GARRE1: variants seen among roughly 807,000 people sequenced by gnomAD.
The protein encoded by GARRE1 is granule associated Rac and RHOG effector protein 1.
A neutral mutation model predicts 103.2 loss-of-function variants in GARRE1; 49 were observed. The ratio of observed to expected loss-of-function variants is 0.47; its 90% CI spans 0.38 to 0.60. The LOEUF (loss-of-function observed/expected upper bound fraction) is 0.60. Among genes scored for constraint, GARRE1 ranks in the 20% least tolerant of loss-of-function variants. The probability of loss-of-function intolerance (pLI) is 0.00; values close to 1 mark genes in which losing one functional copy is unlikely to be tolerated. For missense variants in GARRE1, 1,199 were observed against 1,370.5 expected, an observed-to-expected ratio of 0.87 and a Z score of 1.98; for synonymous variants, 505 against 532.8, an observed-to-expected ratio of 0.95 and a Z score of 0.72.
chr19:34,304,673 C>T (rs1413102567), intron 2 of GARRE1, among the ~76,000 whole-genome samples: 1 of 152,120 alleles, frequency 6.6e-6, no homozygotes, highest in Non-Finnish European at 1.5e-5. Flanking sequence ...CCACCACGCC[C>T]AGCCATCTTT....
At chr19:34,258,717 G>C (rs146714054) in intron 1 of GARRE1, among the ~76,000 whole-genome samples, 2,207 of 152,156 alleles carry the variant, frequency 0.015, 24 homozygotes, top group South Asian at 0.023. Flanking sequence ...GTGAACCTGG[G>C]AGGCGGAGCT....
Position 34,352,815 on chromosome 19 carries a change from G to C in GARRE1, c.3073G>C (p.Asp1025His). ...LQSPVWAATN[D>H]CSAAAFSYVQ... is the part of the protein sequence containing the mutation. ...GTCCCCAGTGTGGGCCGCAACCAAC[G>C]ACTGCAGTGCCGCTGCCTTCTCCTA... is the stretch of plus-strand genomic sequence containing the variant. The change falls in exon 14 of 14, where the codon GAC (aspartate) becomes CAC (histidine). Residue 1025 changes from aspartate (D) to histidine (H), a missense_variant. Transcript: ENST00000299505. 2 of 1,613,576 alleles carry C rather than the reference G, an allele frequency of 1.2e-6. No individual in the cohort carries two copies. Among genetic ancestry groups the C allele is most frequent in the African/African-American group, 1.3e-5 (1 of 74,984 alleles).
At chr19:34,282,472 T>C (rs957177510) in intron 1 of GARRE1, among the ~76,000 whole-genome samples, 3 of 152,206 alleles carry the variant, frequency 2.0e-5, no homozygotes, top group East Asian at 3.8e-4. Context: ...ATGCACTATC[T>C]TTCCAACACT....
rs567809291 is a variant in GARRE1 at position 34,317,985 on chromosome 19, G to A, written c.496-1922G>A. Among the ~76,000 whole-genome samples the A allele has an allele frequency of 1.2e-4, 18 of 152,358 alleles. No individual in the cohort carries two copies. In the East Asian group the frequency reaches 3.5e-3, roughly 29 times the overall value. On this transcript the variant is annotated intron_variant, in intron 2 of 13. Transcript: ENST00000299505. ...AGAGCACTGGGGGAAGGGCTCTGAA[G>A]GAGGTGTGAGTGGAAGCCCAGGAGT...
At chr19:34,255,503 C>T (rs1435895491) in intron 1 of GARRE1, among the ~76,000 whole-genome samples, 1 of 152,094 alleles carries the variant, frequency 6.6e-6, no homozygotes, top group Non-Finnish European at 1.5e-5. Flanking sequence ...GCCAGTCTAC[C>T]ATTCAGTGAC....
intron 8 of GARRE1, among the ~76,000 whole-genome samples, chr19:34,335,770 C>A (rs1273197121): frequency 6.6e-6 from 1 of 152,186 alleles, no homozygotes; most frequent in Non-Finnish European, 1.5e-5. Context: ...AGGTGATCCA[C>A]CTGCTTCGGC....
At chr19:34,321,603 G>A (rs368355530) in intron 3 of GARRE1, among the ~76,000 whole-genome samples, 6 of 151,916 alleles carry the variant, frequency 3.9e-5, no homozygotes, top group East Asian at 1.9e-4. Context: ...ACAGGCGCCC[G>A]CCACCATGCC....
At chr19:34,266,980 T>A (rs1254207691) in intron 1 of GARRE1, among the ~76,000 whole-genome samples, 1 of 152,112 alleles carries the variant, frequency 6.6e-6, no homozygotes, top group Non-Finnish European at 1.5e-5. Context: ...TAAGTTTTCT[T>A]GGGCCAGACA....
At chr19:34,259,763 CATCTT>C (rs1362091908) in intron 1 of GARRE1, among the ~76,000 whole-genome samples, 1 of 152,096 alleles carries the variant, frequency 6.6e-6, no homozygotes, top group African/African-American at 2.4e-5. Context: ...ACCCAAATCT[CATCTT>C]GAATTGTAGT....
chr19:34,321,657 T>C (rs1464259493), intron 3 of GARRE1, among the ~76,000 whole-genome samples: 1 of 152,112 alleles, frequency 6.6e-6, no homozygotes, highest in Non-Finnish European at 1.5e-5. Flanking sequence ...TTTGTATTTT[T>C]AGTAGAGGCA....
intron 9 of GARRE1, among the ~76,000 whole-genome samples, chr19:34,340,969 A>G (rs776376841): frequency 2.6e-5 from 4 of 152,204 alleles, no homozygotes; most frequent in Non-Finnish European, 5.9e-5. Context: ...GTGCTCAGGA[A>G]ACTTTGAAAG....
chr19:34,256,550 G>A (rs146251722), intron 1 of GARRE1, among the ~76,000 whole-genome samples: 51 of 151,528 alleles, frequency 3.4e-4, no homozygotes, highest in Middle Eastern at 6.9e-3. Context: ...TCATGTTTGC[G>A]TCTCATCGTT....
intron 1 of GARRE1, among the ~76,000 whole-genome samples, chr19:34,277,165 T>C (rs1370674792): frequency 6.6e-6 from 1 of 152,120 alleles, no homozygotes; most frequent in Non-Finnish European, 1.5e-5. Context: ...GACTGCAGAA[T>C]GATGAGTGAG....
intron 10 of GARRE1, among the ~76,000 whole-genome samples, chr19:34,343,541 T>G (rs575334192): frequency 2.6e-5 from 4 of 152,094 alleles, no homozygotes; most frequent in Non-Finnish European, 4.4e-5. Context: ...CATTACAAAA[T>G]TATACCAAGA....
At chr19:34,302,954 A>G (rs1226586649) in intron 2 of GARRE1, among the ~76,000 whole-genome samples, 1 of 151,984 alleles carries the variant, frequency 6.6e-6, no homozygotes, top group Non-Finnish European at 1.5e-5. Flanking sequence ...CGTGTTGCCC[A>G]GGCTGGTGTC....
At chr19:34,342,769 C>T (rs984294492) in intron 10 of GARRE1, among the ~76,000 whole-genome samples, 6 of 152,030 alleles carry the variant, frequency 3.9e-5, no homozygotes, top group South Asian at 2.1e-4. Flanking sequence ...TGCCTACTCC[C>T]GGCAGCCAAG....
intron 3 of GARRE1, among the ~76,000 whole-genome samples, chr19:34,320,369 A>G (rs182867245): frequency 3.3e-4 from 51 of 152,370 alleles, no homozygotes; most frequent in African/African-American, 1.1e-3. Flanking sequence ...AAACAGGGCT[A>G]AGGGGCCAGG....
Position 34,311,039 on chromosome 19 carries a change from G to T in GARRE1, c.496-8868G>T, listed in dbSNP as rs569436808. ...GACAGGGTTTCACTTTGTTGCCCAG[G>T]GTGGAGTGCAGTGGAACAATCACAG... is the stretch of plus-strand genomic sequence containing the variant. On this transcript the variant is annotated intron_variant, in intron 2 of 13. Coordinates refer to ENST00000299505, the MANE Select transcript of GARRE1 (RefSeq NM_014686.5). Among the ~76,000 whole-genome samples the T allele has an allele frequency of 3.3e-5, 5 of 151,982 alleles. No homozygotes were observed. In the East Asian group the frequency reaches 7.7e-4, roughly 24 times the overall value.
At chr19:34,344,671 ACTC>A (rs2074202298) in intron 10 of GARRE1, among the ~76,000 whole-genome samples, 2 of 150,486 alleles carry the variant, frequency 1.3e-5, no homozygotes, top group Non-Finnish European at 3.0e-5. Flanking sequence ...TGGGGTTAAC[ACTC>A]CTTTCTCTTT....
Sources: gnomAD v4.1 joint callset for allele counts (sites outside exome capture counted in the v4.1 genomes callset) on GRCh38, gnomAD v4.1.1 for gene constraint, MANE v1.5 for transcripts, NCBI Gene and HGNC (gene_info 2026-07-23, HGNC 2026-07-21) for gene names.